The following LRR1 variants were observed in gnomAD, a reference collection of about 807,000 sequenced individuals.
The protein encoded by LRR1 is leucine-rich repeat protein 1.
Under a neutral mutation model 31.6 loss-of-function variants are expected in LRR1, and 29 were observed. The observed-to-expected ratio is 0.92, with a 90% confidence interval of 0.68 to 1.25. LRR1 has a LOEUF of 1.25. LRR1 is among the 50% of genes most tolerant of loss of function. The pLI, the probability that LRR1 is intolerant of heterozygous loss-of-function variation, is 0.00. For synonymous variants in LRR1, 179 were observed against 181.4 expected (o/e 0.99, Z 0.10); for missense variants, 485 against 487.2 (o/e 1.00, Z 0.04).
intron 2 of LRR1, among the ~76,000 whole-genome samples, chr14:49,606,618 C>T (rs1367230705): frequency 6.7e-6 from 1 of 149,952 alleles, no homozygotes; most frequent in East Asian, 2.0e-4. Context: ...GGATTATAGG[C>T]GTGAGTCACT....
At chr14:49,602,075 G>A (rs1026664397) in intron 1 of LRR1, among the ~76,000 whole-genome samples, 1 of 150,274 alleles carries the variant, frequency 6.7e-6, no homozygotes, top group African/African-American at 2.4e-5. Context: ...GGAGGTTGCA[G>A]TGATGGCACC....
intron 2 of LRR1, among the ~76,000 whole-genome samples, chr14:49,604,552 G>C (rs1444389269): frequency 6.6e-6 from 1 of 152,026 alleles, no homozygotes; most frequent in Admixed American, 6.6e-5. Flanking sequence ...AATTAGCCAG[G>C]CATAGTGGTG....
At chr14:49,611,923 CAAA>C (rs61699129) in intron 3 of LRR1, among the ~76,000 whole-genome samples, 2,169 of 126,866 alleles carry the variant, frequency 0.017, 47 homozygotes, top group African/African-American at 0.059. Flanking sequence ...GACTGCGTCT[CAAA>C]AAAAAAAAAA....
intron 1 of LRR1, 78 bp downstream of exon 1, chr14:49,599,281 C>A: frequency 1.4e-6 from 2 of 1,430,954 alleles, no homozygotes; most frequent in South Asian, 1.4e-5. Context: ...GGTCCTCATG[C>A]TCCCGGCTGC....
Position 49,614,375 on chromosome 14 carries a change from A to G in LRR1, c.1124A>G (p.Asn375Ser). The G allele has an allele frequency of 6.2e-7, 1 of 1,614,044 alleles. No individual in the cohort carries two copies. Among genetic ancestry groups the G allele is most frequent in the South Asian group, 1.1e-5 (1 of 91,082 alleles). Reference sequence around the variant, plus strand: ...TTCATTCAAGGAACTACTACCATGAATCTGCATTCTGTTGCCCACACTGTG... The same window carrying G: ...TTCATTCAAGGAACTACTACCATGAGTCTGCATTCTGTTGCCCACACTGTG... ...NSFIQGTTTMNLHSVAHTVVL... is the reference protein window; with the variant it reads ...NSFIQGTTTMSLHSVAHTVVL... Residue 375 changes from asparagine (N) to serine (S), a missense_variant, in exon 4 of 4, where the codon AAT becomes AGT. Around this residue, in one of 3 missense-constraint regions of LRR1, gnomAD observed 210 missense variants for 200.4 expected, o/e 1.05. Coordinates refer to ENST00000298288, the MANE Select transcript of LRR1 (RefSeq NM_152329.4).
intron 1 of LRR1, chr14:49,600,424 G>T: frequency 6.2e-7 from 1 of 1,603,584 alleles, no homozygotes; most frequent in Non-Finnish European, 8.5e-7. Flanking sequence ...AAACCTATAT[G>T]TGTGGAACAA....
intron 2 of LRR1, among the ~76,000 whole-genome samples, chr14:49,604,118 C>CA (rs1354742986): frequency 2.0e-5 from 3 of 147,678 alleles, no homozygotes; most frequent in African/African-American, 7.5e-5. Context: ...GCCTGGGCAA[C>CA]ATGGTGAAAC....
Position 49,607,421 on chromosome 14 carries a change from G to A in LRR1, c.304G>A (p.Gly102Ser). Reference sequence around the variant, plus strand: ...TCAGGCCATTTCCAGCAGTTTAAAAGGTTTCCTTTCAGCTATGAGACTGGC... The same window carrying A: ...TCAGGCCATTTCCAGCAGTTTAAAAAGTTTCCTTTCAGCTATGAGACTGGC... ...LSKAISSSLK[G>S]FLSAMRLAHR... Residue 102 changes from glycine to serine, a missense_variant, in exon 3 of 4, where the codon GGT becomes AGT. By Grantham distance (56) the Gly-to-Ser change is moderately conservative. Transcript: ENST00000298288. 1 of 1,577,340 alleles carries A rather than the reference G, an allele frequency of 6.3e-7. No individual in the cohort carries two copies. Among genetic ancestry groups the A allele is most frequent in the Non-Finnish European group, 8.6e-7 (1 of 1,165,430 alleles).
Position 49,614,558 on chromosome 14 carries a change from G to A in LRR1, c.*62G>A. ...CAGTTTGGGGTGCATGTATGATTTT[G>A]CAGCGTCAAATTGGAGTAAGGGAAG... On this transcript the variant is annotated 3_prime_UTR_variant, in exon 4 of 4. Coordinates refer to ENST00000298288, the MANE Select transcript of LRR1 (RefSeq NM_152329.4). 1 of 1,604,374 alleles carries A rather than the reference G, an allele frequency of 6.2e-7. No individual in the cohort carries two copies. Among genetic ancestry groups the A allele is most frequent in the Non-Finnish European group, 8.5e-7 (1 of 1,174,554 alleles).
intron 2 of LRR1, chr14:49,603,660 T>C: frequency 1.0e-6 from 1 of 981,812 alleles, no homozygotes; most frequent in Non-Finnish European, 1.2e-6. Context: ...CTACTGTGCC[T>C]GGCCCTTACT....
At chr14:49,613,072 G>GCT (rs2139555545) in intron 3 of LRR1, among the ~76,000 whole-genome samples, 1 of 152,244 alleles carries the variant, frequency 6.6e-6, no homozygotes, top group East Asian at 1.9e-4. Context: ...AGGCGTGGTG[G>GCT]CTCAAGCCTG....
chr14:49,613,039 A>C (rs1215069385), intron 3 of LRR1, among the ~76,000 whole-genome samples: 1 of 152,034 alleles, frequency 6.6e-6, no homozygotes, highest in Non-Finnish European at 1.5e-5. Context: ...GTCTCTACTA[A>C]AAATGCGAAA....
intron 2 of LRR1, among the ~76,000 whole-genome samples, chr14:49,603,226 T>TC (rs55969936): frequency 0.014 from 2,079 of 152,058 alleles, 47 homozygotes; most frequent in African/African-American, 0.047. Flanking sequence ...CTTGCAGGTT[T>TC]TTTGAAGAGG....
intron 1 of LRR1, chr14:49,600,540 T>G: frequency 1.3e-6 from 2 of 1,576,540 alleles, no homozygotes; most frequent in Non-Finnish European, 1.7e-6. Flanking sequence ...CATAGCCATT[T>G]TAACTCCAAA....
chr14:49,600,475 T>G (rs536327429), intron 1 of LRR1: 3 of 1,588,792 alleles, frequency 1.9e-6, no homozygotes, highest in Non-Finnish European at 2.6e-6. Flanking sequence ...TGCTGCTATG[T>G]GGAATGTTCA....
rs200992964 is a variant in LRR1, at chr14:49,600,385, CTT to C, written c.183+1184_183+1185del. On this transcript the variant is annotated intron_variant, in intron 1 of 3. Transcript: ENST00000298288. ...ATTGATCTCCGAGATGACCCCAAAA[CTT>C]TAGCAAGACTGAGTGATATGAAAGA... 4,742 of 1,600,300 alleles carry C rather than the reference CTT, an allele frequency of 3.0e-3. 38 individuals carry two copies. The highest frequency in any genetic ancestry group is 7.1e-3 in the South Asian group (646 of 90,764).
chr14:49,603,337 G>C (rs1358040575), intron 2 of LRR1, among the ~76,000 whole-genome samples: 1 of 152,120 alleles, frequency 6.6e-6, no homozygotes, highest in African/African-American at 2.4e-5. Context: ...AACTGGGTTT[G>C]CTTCTGTGCT....
At chr14:49,612,519 C>T in intron 3 of LRR1, 2 of 1,245,204 alleles carry the variant, frequency 1.6e-6, no homozygotes, top group Non-Finnish European at 2.1e-6. Flanking sequence ...GAGACACTCC[C>T]TGGCAGAGTT....
chr14:49,614,346 C>G lies in LRR1; in HGVS notation c.1095C>G (p.Asn365Lys). 2 of 1,613,956 alleles carry G rather than the reference C, an allele frequency of 1.2e-6. No individual in the cohort carries two copies. The highest frequency in any genetic ancestry group is 1.7e-6 in the Non-Finnish European group (2 of 1,179,956). Residue 365 changes from asparagine (N) to lysine (K), a missense_variant, in exon 4 of 4, where the codon AAC (asparagine) becomes AAG (lysine). By Grantham distance (94) the Asn-to-Lys change is moderately conservative. Transcript: ENST00000298288. ...GTGTTTGTGGAAGATTCTGTCTGAA[C>G]TCTTTCATTCAAGGAACTACTACCA... ...KICVCGRFCLNSFIQGTTTMN... is the reference protein window; with the variant it reads ...KICVCGRFCLKSFIQGTTTMN...
Sources: gnomAD v4.1 joint callset for allele counts (sites outside exome capture counted in the v4.1 genomes callset) on GRCh38, gnomAD v4.1.1 for gene constraint, gnomAD v4.1.1 regional missense constraint, MANE v1.5 for transcripts, NCBI Gene and HGNC (gene_info 2026-07-23, HGNC 2026-07-21) for gene names.